The following GRIK2 variants were observed in gnomAD, a reference collection of about 807,000 sequenced individuals.
The protein encoded by GRIK2 is glutamate receptor ionotropic, kainate 2.
GRIK2 carries 32 observed loss-of-function variants against 100.3 expected under a neutral mutation model. The ratio of observed to expected loss-of-function variants is 0.32; its 90% CI spans 0.24 to 0.43. GRIK2 has a LOEUF of 0.43. Ranked by LOEUF, GRIK2 falls within the 20% of genes least tolerant of loss-of-function variation. The pLI is 1.00. For synonymous variants in GRIK2, 417 were observed against 389.4 expected (o/e 1.07, Z -0.83); for missense variants, 843 against 1,114.9 (o/e 0.76, Z 3.47).
At chr6:101,527,113 G>T (rs1334920366) in intron 2 of GRIK2, among the ~76,000 whole-genome samples, 1 of 152,152 alleles carries the variant, frequency 6.6e-6, no homozygotes, top group East Asian at 1.9e-4. Flanking sequence ...TCATATTAAA[G>T]GTTGCAGGGA....
chr6:101,970,400 T>G (rs1792969461), intron 14 of GRIK2, among the ~76,000 whole-genome samples: 1 of 152,054 alleles, frequency 6.6e-6, no homozygotes, highest in Non-Finnish European at 1.5e-5. Flanking sequence ...ATACAGCAGC[T>G]GTAGAGGTAC....
intron 7 of GRIK2, among the ~76,000 whole-genome samples, chr6:101,768,398 A>C (rs1309349695): frequency 2.0e-5 from 3 of 152,250 alleles, no homozygotes; most frequent in Admixed American, 6.5e-5. Context: ...CCCCAGTGAT[A>C]TTACCACCTT....
chr6:101,964,412 T>C (rs1180086879), intron 14 of GRIK2, among the ~76,000 whole-genome samples: 2 of 152,098 alleles, frequency 1.3e-5, no homozygotes, highest in African/African-American at 2.4e-5. Flanking sequence ...CCTCTAGCTA[T>C]TGGGGTTTCA....
chr6:101,623,443 C>A (rs893792041), intron 3 of GRIK2, among the ~76,000 whole-genome samples: 5 of 152,044 alleles, frequency 3.3e-5, no homozygotes, highest in Non-Finnish European at 7.4e-5. Flanking sequence ...TAATTCAAGA[C>A]TATTACATTT....
At chr6:101,951,285 A>C (rs2791811) in intron 14 of GRIK2, among the ~76,000 whole-genome samples, 5,071 of 152,296 alleles carry the variant, frequency 0.033, 300 homozygotes, top group African/African-American at 0.12. Flanking sequence ...ATGATGGATA[A>C]AAGGTATTTA....
At chr6:101,466,582 G>A (rs930880120) in intron 2 of GRIK2, among the ~76,000 whole-genome samples, 3 of 146,816 alleles carry the variant, frequency 2.0e-5, no homozygotes, top group Non-Finnish European at 4.5e-5. Context: ...TCTTTAAAAG[G>A]CTGCTTTTTT....
intron 4 of GRIK2, among the ~76,000 whole-genome samples, chr6:101,675,602 G>A (rs1770778347): frequency 6.6e-6 from 1 of 151,898 alleles, no homozygotes; most frequent in African/African-American, 2.4e-5. Flanking sequence ...GCTCTTTAAT[G>A]TGTTTCATTA....
intron 11 of GRIK2, among the ~76,000 whole-genome samples, chr6:101,874,953 C>T (rs1487626474): frequency 6.6e-6 from 1 of 152,038 alleles, no homozygotes; most frequent in East Asian, 1.9e-4. Flanking sequence ...ATTTTGTATC[C>T]TGAGACTTTG....
At position 101,531,103 on chromosome 6, in the gene GRIK2, T is replaced by C. The variant is rs567277512; in HGVS notation, c.116-90846T>C. ...AAAAGTTATACAGTTAAAGCTTCAG[T>C]TGGTTTTAGACTTATCAGTTTGAAG... is the stretch of plus-strand genomic sequence containing the variant. On this transcript the variant is annotated intron_variant, in intron 2 of 16. Transcript: ENST00000369134. Among the ~76,000 whole-genome samples, 10 of 152,142 alleles carry C rather than the reference T, an allele frequency of 6.6e-5. No homozygotes were observed. The South Asian group carries it at 1.9e-3, about 28-fold the overall frequency.
chr6:101,770,816 A>G (rs370693276), intron 7 of GRIK2, among the ~76,000 whole-genome samples: 5 of 152,138 alleles, frequency 3.3e-5, no homozygotes, highest in African/African-American at 1.2e-4. Flanking sequence ...AGATCCATGT[A>G]TTTTTGGCAG....
chr6:101,724,761 C>T (rs968140943), intron 7 of GRIK2, among the ~76,000 whole-genome samples: 3 of 151,956 alleles, frequency 2.0e-5, no homozygotes, highest in African/African-American at 7.2e-5. Context: ...AGAATAAATA[C>T]TTTAAATGAT....
chr6:101,485,274 C>A (rs535111649), intron 2 of GRIK2, among the ~76,000 whole-genome samples: 1 of 152,240 alleles, frequency 6.6e-6, no homozygotes, highest in East Asian at 1.9e-4. Context: ...AAATTATTTT[C>A]CTCACATGAA....
rs201411046 is a variant in GRIK2 at position 101,614,348 on chromosome 6, TA to T, written c.116-7598del. 6.5e-3 allele frequency among the ~76,000 whole-genome samples: 982 copies of T among 151,854 alleles called. 13 individuals carry two copies. Among genetic ancestry groups the T allele is most frequent in the African/African-American group, 0.023 (959 of 41,524 alleles). ...ATACAGAAAAGTTCAAACAATTGTA[TA>T]AATAAACACTCATAAGCACTTTGAT... On this transcript the variant is annotated intron_variant, in intron 2 of 16. Transcript: ENST00000369134.
chr6:101,696,744 G>A (rs571683103), intron 7 of GRIK2, among the ~76,000 whole-genome samples: 1 of 151,924 alleles, frequency 6.6e-6, no homozygotes, highest in East Asian at 1.9e-4. Context: ...ACATAGAATA[G>A]GCAGGTTATA....
intron 5 of GRIK2, 41 bp from the exon 6 acceptor site, chr6:101,682,512 T>A: frequency 1.2e-6 from 1 of 863,090 alleles, no homozygotes; most frequent in Non-Finnish European, 2.0e-6. Flanking sequence ...ATACTGTCTT[T>A]CCTGAAATAT....
chr6:101,851,688 T>G (rs1784134700), intron 10 of GRIK2, among the ~76,000 whole-genome samples: 1 of 151,926 alleles, frequency 6.6e-6, no homozygotes, highest in Non-Finnish European at 1.5e-5. Flanking sequence ...TACTATTTAT[T>G]TTCTTCCATA....
intron 7 of GRIK2, among the ~76,000 whole-genome samples, chr6:101,750,042 T>C (rs1776689663): frequency 6.6e-6 from 1 of 152,070 alleles, no homozygotes. Context: ...CTTGAATTCC[T>C]GACCTTGAGT....
intron 7 of GRIK2, among the ~76,000 whole-genome samples, chr6:101,757,980 C>T (rs545968012): frequency 6.6e-6 from 1 of 152,162 alleles, no homozygotes; most frequent in African/African-American, 2.4e-5. Flanking sequence ...ACAATACCAG[C>T]ACTTTGGGAG....
chr6:102,045,914 C>A (rs1230867623), intron 15 of GRIK2, among the ~76,000 whole-genome samples: 1 of 151,962 alleles, frequency 6.6e-6, no homozygotes, highest in Non-Finnish European at 1.5e-5. Context: ...ACAGTGGCTG[C>A]ATGTATTTTT....
Sources: gnomAD v4.1 joint callset for allele counts (sites outside exome capture counted in the v4.1 genomes callset) on GRCh38, gnomAD v4.1.1 for gene constraint, MANE v1.5 for transcripts, NCBI Gene and HGNC (gene_info 2026-07-23, HGNC 2026-07-21) for gene names.